Variants in PALLD observed in about 807,000 individuals in gnomAD.
PALLD encodes palladin.
A neutral mutation model predicts 123.5 loss-of-function variants in PALLD; 61 were observed. The ratio of observed to expected loss-of-function variants is 0.49; its 90% CI spans 0.40 to 0.61. PALLD has a LOEUF of 0.61. Among genes scored for constraint, PALLD ranks in the 20% least tolerant of loss-of-function variants. The pLI is 0.00. For missense variants in PALLD, 1,273 were observed against 1,377.0 expected (o/e 0.92, Z 1.20); for synonymous variants, 465 against 496.4 (o/e 0.94, Z 0.84).
At chr4:168,874,087 A>C (rs993527355) in intron 10 of PALLD, among the ~76,000 whole-genome samples, 2 of 152,202 alleles carry the variant, frequency 1.3e-5, no homozygotes, top group African/African-American at 4.8e-5. Context: ...AATTGATTTG[A>C]TTTTATTCTG....
chr4:168,913,791 G>A, intron 15 of PALLD, 136 bp from the exon 16 acceptor site: 2 of 703,650 alleles, frequency 2.8e-6, no homozygotes, highest in South Asian at 1.5e-5. Flanking sequence ...TTCTGAAAAG[G>A]GTTAGTCATT....
chr4:168,767,232 A>G (rs1458232351), intron 10 of PALLD, among the ~76,000 whole-genome samples: 5 of 152,124 alleles, frequency 3.3e-5, no homozygotes, highest in Non-Finnish European at 7.3e-5. Context: ...TAGTTATTTC[A>G]GCCTCCATCG....
intron 10 of PALLD, among the ~76,000 whole-genome samples, chr4:168,753,054 A>C (rs1488631233): frequency 1.3e-5 from 2 of 152,192 alleles, no homozygotes; most frequent in Non-Finnish European, 2.9e-5. Context: ...CAAAGCGAAC[A>C]AGCAAGAGAA....
rs1739137717 is a variant in PALLD at position 168,800,280 on chromosome 4, C to CATTAAAAGGCACCCTAAGGAGT, written c.1964+88366_1964+88387dup. Among the ~76,000 whole-genome samples the CATTAAAAGGCACCCTAAGGAGT allele has an allele frequency of 7.9e-5, 12 of 152,174 alleles. No homozygotes were observed. In the South Asian group the frequency reaches 2.3e-3, roughly 29 times the overall value. Reference sequence around the variant, plus strand: ...GTAGTTCAAATAAAAAAATTCTGATCATTAAAAGGCACCCTAAGGAGTATT... The same window carrying CATTAAAAGGCACCCTAAGGAGT: ...GTAGTTCAAATAAAAAAATTCTGATCATTAAAAGGCACCCTAAGGAGTATTAAAAGGCACCCTAAGGAGTATT... On this transcript the variant is annotated intron_variant, in intron 10 of 21. Coordinates refer to ENST00000505667, the MANE Select transcript of PALLD (RefSeq NM_001166108.2).
At chr4:168,901,200 A>T (rs1208929754) in intron 14 of PALLD, among the ~76,000 whole-genome samples, 1 of 152,170 alleles carries the variant, frequency 6.6e-6, no homozygotes, top group Non-Finnish European at 1.5e-5. Context: ...TGCCATATAA[A>T]TTACATTAGG....
chr4:168,542,669 C>A (rs73863953), intron 2 of PALLD, among the ~76,000 whole-genome samples: 138 of 126,128 alleles, frequency 1.1e-3, no homozygotes, highest in African/African-American at 2.6e-3. Flanking sequence ...CTCTCTCTCT[C>A]TATATATATA....
intron 2 of PALLD, among the ~76,000 whole-genome samples, chr4:168,530,030 G>T (rs1764456809): frequency 6.6e-6 from 1 of 151,996 alleles, no homozygotes; most frequent in African/African-American, 2.4e-5. Context: ...TTATTACTAT[G>T]GCCCTCGGGT....
chr4:168,902,805 T>A (rs1423054833), intron 14 of PALLD, among the ~76,000 whole-genome samples: 1 of 152,220 alleles, frequency 6.6e-6, no homozygotes, highest in Non-Finnish European at 1.5e-5. Context: ...AGACAGGGCC[T>A]CAGTCACCTA....
chr4:168,588,474 T>C (rs1300925143), intron 2 of PALLD, among the ~76,000 whole-genome samples: 2 of 152,034 alleles, frequency 1.3e-5, no homozygotes, highest in Non-Finnish European at 2.9e-5. Flanking sequence ...CGTGCTCACC[T>C]CACTTCATCC....
chr4:168,661,454 C>T (rs941665670), intron 2 of PALLD, among the ~76,000 whole-genome samples: 3 of 152,196 alleles, frequency 2.0e-5, no homozygotes, highest in Non-Finnish European at 4.4e-5. Context: ...ATGAGTATGA[C>T]TAGATCTTCT....
At chr4:168,673,908 G>A (rs111502713) in intron 3 of PALLD, among the ~76,000 whole-genome samples, 2 of 151,740 alleles carry the variant, frequency 1.3e-5, no homozygotes, top group African/African-American at 4.8e-5. Context: ...GTGTGTGTGT[G>A]TGTGTGTGTC....
chr4:168,572,462 C>T (rs1342746582), intron 2 of PALLD, among the ~76,000 whole-genome samples: 2 of 152,032 alleles, frequency 1.3e-5, no homozygotes, highest in South Asian at 2.1e-4. Flanking sequence ...TTTTTCACAG[C>T]GGTAGAAAAA....
chr4:168,538,949 A>T (rs1765349228), intron 2 of PALLD, among the ~76,000 whole-genome samples: 1 of 152,212 alleles, frequency 6.6e-6, no homozygotes, highest in African/African-American at 2.4e-5. Flanking sequence ...GTGGTTCAGA[A>T]TTTAGCCCTC....
intron 10 of PALLD, among the ~76,000 whole-genome samples, chr4:168,883,027 T>C (rs1413037611): frequency 6.6e-6 from 1 of 151,452 alleles, no homozygotes; most frequent in South Asian, 2.1e-4. Context: ...GTGGGTGAGG[T>C]TGCAGTGAGC....
rs917747030 is a variant in PALLD, at chr4:168,707,385, C to T, written c.1502-1643C>T. On this transcript the variant is annotated intron_variant, in intron 8 of 21. Coordinates refer to ENST00000505667, the MANE Select transcript of PALLD (RefSeq NM_001166108.2). The stretch of plus-strand genomic sequence containing the variant: ...TGACCACAGCTGGGCTGTCTCAGTG[C>T]GGCCATGGTCAGCTGCCAGGATGAC... Among the ~76,000 whole-genome samples the T allele has an allele frequency of 2.4e-4, 37 of 152,148 alleles. 1 individual carries two copies. Among genetic ancestry groups the T allele is most frequent in the African/African-American group, 8.7e-4 (36 of 41,448 alleles).
chr4:168,894,314 G>C, intron 11 of PALLD: 1 of 481,778 alleles, frequency 2.1e-6, no homozygotes, highest in South Asian at 2.3e-5. Flanking sequence ...TTTTCTGTGT[G>C]GTTTCTTCCT....
rs575798953 is a variant in PALLD, at chr4:168,713,166, A to C, written c.1964+1243A>C. Among the ~76,000 whole-genome samples, 5 of 152,348 alleles carry C rather than the reference A, an allele frequency of 3.3e-5. No individual in the cohort carries two copies. The South Asian group carries it at 1.0e-3, about 32-fold the overall frequency. On this transcript the variant is annotated intron_variant, in intron 10 of 21. Coordinates refer to ENST00000505667, the MANE Select transcript of PALLD (RefSeq NM_001166108.2). ...TTGTGTTCTGGCTCTCTTTTAAGAC[A>C]GTAGGGCTACTCACTAAGCTTGTAC...
chr4:168,752,013 C>T (rs1731126554), intron 10 of PALLD, among the ~76,000 whole-genome samples: 2 of 152,182 alleles, frequency 1.3e-5, no homozygotes, highest in South Asian at 2.1e-4. Flanking sequence ...ATAACAGATC[C>T]GGGCTCTGTC....
At chr4:168,538,929 TC>T (rs1421847496) in intron 2 of PALLD, among the ~76,000 whole-genome samples, 1 of 152,234 alleles carries the variant, frequency 6.6e-6, no homozygotes, top group Non-Finnish European at 1.5e-5. Context: ...TGCTACGACT[TC>T]GTGTTCATGT....
Sources: gnomAD v4.1 joint callset for allele counts (sites outside exome capture counted in the v4.1 genomes callset) on GRCh38, gnomAD v4.1.1 for gene constraint, MANE v1.5 for transcripts, NCBI Gene and HGNC (gene_info 2026-07-23, HGNC 2026-07-21) for gene names.